Variants in CIAPIN1 observed in about 807,000 individuals in gnomAD.
CIAPIN1 encodes the protein anamorsin.
A neutral mutation model predicts 34.3 loss-of-function variants in CIAPIN1; 18 were observed. The ratio of observed to expected loss-of-function variants is 0.52; its 90% CI spans 0.36 to 0.78. The LOEUF (loss-of-function observed/expected upper bound fraction) is 0.78, where lower values mean the gene tolerates loss of function less well. Among genes scored for constraint, CIAPIN1 ranks in the 30% least tolerant of loss-of-function variants. The probability of loss-of-function intolerance (pLI) is 0.00; values close to 1 mark genes in which losing one functional copy is unlikely to be tolerated. For missense variants in CIAPIN1, 310 were observed against 372.5 expected (o/e 0.83, Z 1.38); for synonymous variants, 131 against 140.4 (o/e 0.93, Z 0.47).
Position 57,430,413 on chromosome 16 carries a change from T to A in CIAPIN1, c.747-74A>T, listed in dbSNP as rs922246949. On this transcript the variant is annotated intron_variant, in intron 7 of 8. Transcript: ENST00000394391. The stretch of plus-strand genomic sequence containing the variant: ...ATCCCAAATCCTAACAGTGCCAAAA[T>A]GTGCTTTAAGCCTTTTCTCTTCACA... 3 of 1,436,682 alleles carry A rather than the reference T, an allele frequency of 2.1e-6. No homozygotes were observed. In the Admixed American group the frequency reaches 5.1e-5, roughly 24 times the overall value. 89.0% of individuals were successfully genotyped at this position (1,436,682 alleles called of 1,614,324 possible).
At position 57,431,279 on chromosome 16, in the gene CIAPIN1, C is replaced by G. The variant is rs369305912; in HGVS notation, c.631-13G>C. On this transcript the variant is annotated splice_polypyrimidine_tract_variant and intron_variant, in intron 6 of 8. Coordinates refer to ENST00000394391, the MANE Select transcript of CIAPIN1 (RefSeq NM_020313.4). ...AGTCAATGAGATCCTGGAGAGTGTT[C>G]AAAGCAATGAGTGATACAGTCGTGG... is the stretch of plus-strand genomic sequence containing the variant. 3.2e-6 allele frequency: 5 copies of G among 1,561,134 alleles called. No individual in the cohort carries two copies. The highest frequency in any genetic ancestry group is 4.4e-6 in the Non-Finnish European group (5 of 1,132,608).
At chr16:57,434,313 G>A in intron 4 of CIAPIN1, 101 bp from the exon 5 acceptor site, 1 of 1,091,020 alleles carries the variant, frequency 9.2e-7, no homozygotes. Flanking sequence ...TGTGCATTAA[G>A]GATGTAACAG....
intron 2 of CIAPIN1, among the ~76,000 whole-genome samples, chr16:57,439,695 A>G (rs1391749302): frequency 6.6e-6 from 1 of 152,332 alleles, no homozygotes; most frequent in East Asian, 1.9e-4. Context: ...CTTTACTGCA[A>G]TCTCTGAATA....
chr16:57,436,227 G>T (rs986009712), intron 4 of CIAPIN1, among the ~76,000 whole-genome samples: 7 of 151,974 alleles, frequency 4.6e-5, no homozygotes, highest in African/African-American at 7.2e-5. Context: ...GTTTTTTTTT[G>T]TTTTGTTTTG....
intron 3 of CIAPIN1, 87 bp from the exon 4 acceptor site, chr16:57,436,819 A>G: frequency 9.5e-7 from 1 of 1,048,880 alleles, no homozygotes. Context: ...GTTCGCAGGC[A>G]TTCAAACAAT....
At chr16:57,447,162 G>A in intron 1 of CIAPIN1, among the ~76,000 whole-genome samples, 180 bp downstream of exon 1, 1 of 152,220 alleles carries the variant, frequency 6.6e-6, no homozygotes, top group Non-Finnish European at 1.5e-5. Flanking sequence ...GGCCGGCCCT[G>A]GCCCCTCACA....
At chr16:57,439,429 G>T in intron 2 of CIAPIN1, 95 bp from the exon 3 acceptor site, 3 of 1,284,256 alleles carry the variant, frequency 2.3e-6, no homozygotes, top group South Asian at 1.3e-5. Context: ...ACCTCACCCT[G>T]AGAGAATGGA....
At chr16:57,438,797 A>C (rs1903260762) in intron 3 of CIAPIN1, among the ~76,000 whole-genome samples, 1 of 152,222 alleles carries the variant, frequency 6.6e-6, no homozygotes, top group Non-Finnish European at 1.5e-5. Context: ...ATGGATTTGT[A>C]CAGTACAGAG....
At chr16:57,432,689 A>G (rs1314988362) in intron 5 of CIAPIN1, 129 bp from the exon 6 acceptor site, 1 of 827,110 alleles carries the variant, frequency 1.2e-6, no homozygotes, top group Non-Finnish European at 1.9e-6. Flanking sequence ...ATGTGGGTTC[A>G]CAGTCCAGCT....
Position 57,447,354 on chromosome 16 carries a change from C to T in CIAPIN1, c.-68G>A. 1 of 683,964 alleles carries T rather than the reference C, an allele frequency of 1.5e-6. No homozygotes were observed. The highest frequency in any genetic ancestry group is 2.1e-6 in the Non-Finnish European group (1 of 487,736). 42.4% of individuals were successfully genotyped at this position (683,964 alleles called of 1,614,324 possible). Reference sequence around the variant, plus strand: ...CCACCACTCTCACCTGCCGCCTGGGCTCGCTCCCGGCTTCTCTCCAGCCGT... The same window carrying T: ...CCACCACTCTCACCTGCCGCCTGGGTTCGCTCCCGGCTTCTCTCCAGCCGT... On this transcript the variant is annotated 5_prime_UTR_variant, in exon 1 of 9. Coordinates refer to ENST00000394391, the MANE Select transcript of CIAPIN1 (RefSeq NM_020313.4).
chr16:57,441,924 A>G (rs1903342040), intron 1 of CIAPIN1, among the ~76,000 whole-genome samples: 1 of 152,258 alleles, frequency 6.6e-6, no homozygotes, highest in Non-Finnish European at 1.5e-5. Context: ...GTGGTAGAGG[A>G]GTCAAAATGG....
Position 57,432,488 on chromosome 16 carries a change from A to C in CIAPIN1, c.629T>G (p.Met210Arg). 6.2e-7 allele frequency: 1 copy of C among 1,613,704 alleles called. No individual in the cohort carries two copies. The highest frequency in any genetic ancestry group is 8.5e-7 in the Non-Finnish European group (1 of 1,179,796). The change falls in exon 6 of 9, where the codon ATG becomes AGG. Residue 210 changes from methionine to arginine, a missense_variant and splice_region_variant. Met to Arg is a moderately conservative substitution (Grantham distance 91, BLOSUM62 -1). Transcript: ENST00000394391. ...CAAGTGACAATGCTGCCAGCTCACC[A>C]TGCTGTCGTCCTCCATATCGTTGGC... ...LSANDMEDDS[M>R]DLIDSDELLD... is the part of the protein sequence containing the mutation.
chr16:57,432,114 G>T (rs574849906), intron 6 of CIAPIN1, among the ~76,000 whole-genome samples: 1 of 152,104 alleles, frequency 6.6e-6, no homozygotes, highest in Non-Finnish European at 1.5e-5. Context: ...GGAGTTTTGC[G>T]ACCAGTCTGG....
At chr16:57,439,533 C>A (rs1420691024) in intron 2 of CIAPIN1, among the ~76,000 whole-genome samples, 199 bp from the exon 3 acceptor site, 4 of 152,222 alleles carry the variant, frequency 2.6e-5, no homozygotes, top group Non-Finnish European at 4.4e-5. Context: ...TTATGGAAAT[C>A]ATCAACTACA....
At chr16:57,438,812 T>C (rs776422102) in intron 3 of CIAPIN1, among the ~76,000 whole-genome samples, 3 of 152,216 alleles carry the variant, frequency 2.0e-5, no homozygotes. Flanking sequence ...ACAGAGCCTT[T>C]TGAGATTGGC....
At position 57,429,180 on chromosome 16, in the gene CIAPIN1, T is replaced by G; in HGVS notation, c.929A>C (p.His310Pro). ...CATGTCAGGAACCTCCTAGGCATCA[T>G]GAAGATTGCTATCACTCAGAAGCAC... Reference protein sequence around the residue: ...EKVLLSDSNLHDA With the variant: ...EKVLLSDSNLPDA Residue 310 changes from histidine (H) to proline (P), a missense_variant, in exon 9 of 9, where the codon CAT becomes CCT. By Grantham distance (77) the His-to-Pro change is moderately conservative. Coordinates refer to ENST00000394391, the MANE Select transcript of CIAPIN1 (RefSeq NM_020313.4). 1 of 1,611,698 alleles carries G rather than the reference T, an allele frequency of 6.2e-7. No homozygotes were observed. Among genetic ancestry groups the G allele is most frequent in the Non-Finnish European group, 8.5e-7 (1 of 1,179,202 alleles).
chr16:57,429,332 G>C, intron 8 of CIAPIN1, 52 bp from the exon 9 acceptor site: 1 of 1,267,584 alleles, frequency 7.9e-7, no homozygotes, highest in Non-Finnish European at 1.2e-6. Context: ...AGGCATACCA[G>C]CCAGAAGAAA....
intron 1 of CIAPIN1, among the ~76,000 whole-genome samples, chr16:57,447,016 G>A (rs553692117): frequency 1.8e-4 from 27 of 152,288 alleles, no homozygotes; most frequent in African/African-American, 5.8e-4. Context: ...TCAGAACCAG[G>A]TCTCCCCGAT....
At chr16:57,433,754 G>C (rs1372538449) in intron 5 of CIAPIN1, 1 of 360,064 alleles carries the variant, frequency 2.8e-6, no homozygotes, top group Non-Finnish European at 5.4e-6. Flanking sequence ...CTGGGACCTG[G>C]AAGGACCTCA....
Sources: allele counts gnomAD v4.1 joint callset (sites outside exome capture counted in the v4.1 genomes callset), GRCh38; gene constraint gnomAD v4.1.1; transcripts MANE v1.5; gene names NCBI Gene and HGNC (gene_info 2026-07-23, HGNC 2026-07-21).